CSMD1: variants seen among roughly 807,000 people sequenced by gnomAD.
CSMD1 encodes the protein CUB and Sushi multiple domains 1.
CSMD1 carries 213 observed loss-of-function variants against 417.5 expected under a neutral mutation model. The ratio of observed to expected loss-of-function variants is 0.51; its 90% CI spans 0.46 to 0.57. The LOEUF (loss-of-function observed/expected upper bound fraction) is 0.57. CSMD1 is among the 20% of genes least tolerant of loss of function. The probability of loss-of-function intolerance (pLI) is 0.00; values close to 1 mark genes in which losing one functional copy is unlikely to be tolerated. For missense variants in CSMD1, 6,923 were observed against 4,529.7 expected (o/e 1.53, Z -15.17); for synonymous variants, 2,862 against 1,736.8 (o/e 1.65, Z -16.11).
At chr8:3,157,211 T>C (rs1010674857) in intron 39 of CSMD1, among the ~76,000 whole-genome samples, 1 of 152,006 alleles carries the variant, frequency 6.6e-6, no homozygotes, top group African/African-American at 2.4e-5. Flanking sequence ...AAATAGGTGA[T>C]GGGTGAAGCT....
intron 1 of CSMD1, among the ~76,000 whole-genome samples, chr8:4,752,372 T>C (rs1253284766): frequency 6.6e-6 from 1 of 152,206 alleles, no homozygotes; most frequent in Admixed American, 6.5e-5. Context: ...GAACAATAGA[T>C]GAAACAAAAG....
chr8:3,917,155 A>C (rs1447607069), intron 5 of CSMD1, among the ~76,000 whole-genome samples: 1 of 152,234 alleles, frequency 6.6e-6, no homozygotes, highest in Non-Finnish European at 1.5e-5. Flanking sequence ...CCTGCTGCAC[A>C]GAGGAATAAC....
chr8:3,600,560 T>C (rs1801313292), intron 8 of CSMD1, among the ~76,000 whole-genome samples: 1 of 152,166 alleles, frequency 6.6e-6, no homozygotes. Context: ...GGTGCTCCCA[T>C]TTACTCACCC....
intron 1 of CSMD1, among the ~76,000 whole-genome samples, chr8:4,976,535 T>C (rs74704696): frequency 0.023 from 3,477 of 152,314 alleles, 146 homozygotes; most frequent in African/African-American, 0.08. Flanking sequence ...TAGCATTCAA[T>C]ACTTACAAAA....
intron 37 of CSMD1, among the ~76,000 whole-genome samples, chr8:3,174,333 A>C (rs896775405): frequency 6.6e-6 from 1 of 152,314 alleles, no homozygotes; most frequent in East Asian, 1.9e-4. Context: ...GTATCTATTA[A>C]GAATACAAAA....
chr8:3,749,844 G>A, intron 6 of CSMD1, among the ~76,000 whole-genome samples: 2 of 152,082 alleles, frequency 1.3e-5, no homozygotes, highest in East Asian at 3.9e-4. Flanking sequence ...TGAACACTGA[G>A]GTGGTTCGCG....
At chr8:3,876,109 T>TA (rs1301082860) in intron 5 of CSMD1, among the ~76,000 whole-genome samples, 1 of 152,176 alleles carries the variant, frequency 6.6e-6, no homozygotes, top group Non-Finnish European at 1.5e-5. Context: ...TTCTTCCTTT[T>TA]AAAAAATAAG....
intron 1 of CSMD1, among the ~76,000 whole-genome samples, chr8:4,897,107 G>T (rs762088637): frequency 6.6e-6 from 1 of 151,886 alleles, no homozygotes; most frequent in Non-Finnish European, 1.5e-5. Flanking sequence ...CTTGACTTTG[G>T]GTATTTTATT....
chr8:4,262,078 C>A (rs1204542431), intron 3 of CSMD1, among the ~76,000 whole-genome samples: 1 of 152,010 alleles, frequency 6.6e-6, no homozygotes, highest in Non-Finnish European at 1.5e-5. Context: ...TTTTTTTAAC[C>A]TCTAAAGTTA....
intron 50 of CSMD1, among the ~76,000 whole-genome samples, chr8:3,052,206 G>C (rs1250001674): frequency 6.6e-6 from 1 of 152,188 alleles, no homozygotes; most frequent in Non-Finnish European, 1.5e-5. Context: ...AGAATAGGAT[G>C]TGATGTGCAA....
intron 1 of CSMD1, among the ~76,000 whole-genome samples, chr8:4,702,950 T>C (rs1041650183): frequency 1.3e-5 from 2 of 152,094 alleles, no homozygotes; most frequent in Non-Finnish European, 2.9e-5. Flanking sequence ...ACCCTTAGGG[T>C]CTCAAAATAT....
chr8:3,165,789 T>C (rs951171304), intron 37 of CSMD1, among the ~76,000 whole-genome samples: 8 of 151,964 alleles, frequency 5.3e-5, no homozygotes, highest in Non-Finnish European at 1.2e-4. Context: ...GTGATGGGGA[T>C]GTTAAAATAG....
At position 4,748,637 on chromosome 8, in the gene CSMD1, G is replaced by T. The variant is rs527356324; in HGVS notation, c.86-111079C>A. Among the ~76,000 whole-genome samples, 6 of 152,310 alleles carry T rather than the reference G, an allele frequency of 3.9e-5. No homozygotes were observed. In the South Asian group the frequency reaches 1.2e-3, roughly 32 times the overall value. On this transcript the variant is annotated intron_variant, in intron 1 of 69. Transcript: ENST00000635120. Reference sequence around the variant, plus strand: ...TTCATTCTAAATTATTTATTGACTGGAATGTCTCCAGAATTTAAATTTTTA... The same window carrying T: ...TTCATTCTAAATTATTTATTGACTGTAATGTCTCCAGAATTTAAATTTTTA...
chr8:2,977,240 A>AT (rs1805004175), intron 55 of CSMD1, among the ~76,000 whole-genome samples: 1 of 152,004 alleles, frequency 6.6e-6, no homozygotes, highest in African/African-American at 2.4e-5. Flanking sequence ...TGCATTAGCT[A>AT]TTTATCCTGA....
At chr8:3,432,416 C>G (rs1303376507) in intron 12 of CSMD1, among the ~76,000 whole-genome samples, 3 of 151,490 alleles carry the variant, frequency 2.0e-5, no homozygotes, top group Non-Finnish European at 4.4e-5. Flanking sequence ...TAATGGTTGC[C>G]AAGTCTTTGG....
At chr8:3,874,275 T>G (rs915415334) in intron 5 of CSMD1, among the ~76,000 whole-genome samples, 1 of 152,164 alleles carries the variant, frequency 6.6e-6, no homozygotes, top group Non-Finnish European at 1.5e-5. Flanking sequence ...ATGCTCAAGG[T>G]CCCTGTGTCC....
At chr8:4,497,625 G>C (rs948957221) in intron 2 of CSMD1, among the ~76,000 whole-genome samples, 17 of 152,154 alleles carry the variant, frequency 1.1e-4, no homozygotes, top group African/African-American at 4.1e-4. Flanking sequence ...TTTAAGTAAA[G>C]ACAGGTAAGA....
chr8:4,376,864 C>T (rs189537334), intron 3 of CSMD1, among the ~76,000 whole-genome samples: 1 of 152,186 alleles, frequency 6.6e-6, no homozygotes, highest in Non-Finnish European at 1.5e-5. Flanking sequence ...CTCTGTTATG[C>T]ATTTTTACAG....
chr8:3,883,037 C>G (rs905758983), intron 5 of CSMD1, among the ~76,000 whole-genome samples: 64 of 152,222 alleles, frequency 4.2e-4, no homozygotes, highest in African/African-American at 1.3e-3. Context: ...AATAAAACGC[C>G]TGAACATATC....
Sources: gnomAD v4.1 joint callset for allele counts (sites outside exome capture counted in the v4.1 genomes callset) on GRCh38, gnomAD v4.1.1 for gene constraint, MANE v1.5 for transcripts, NCBI Gene and HGNC (gene_info 2026-07-23, HGNC 2026-07-21) for gene names.